The following PROM1 variants were observed in gnomAD, a reference collection of about 807,000 sequenced individuals.
PROM1 encodes prominin 1.
Under a neutral mutation model 116.9 loss-of-function variants are expected in PROM1, and 105 were observed. That is an observed-to-expected ratio of 0.90 (90% confidence interval 0.77 to 1.06). The LOEUF (loss-of-function observed/expected upper bound fraction) is 1.06. PROM1 is among the 50% of genes least tolerant of loss of function. PROM1 has a pLI of 0.00. For synonymous variants in PROM1, 393 were observed against 387.0 expected, an observed-to-expected ratio of 1.02 and a Z score of -0.18; for missense variants, 1,122 against 1,045.2, an observed-to-expected ratio of 1.07 and a Z score of -1.01.
In PROM1 at chr4:15,979,483, A is replaced by G; in HGVS notation, c.2514-20T>C. On this transcript the variant is annotated intron_variant, in intron 25 of 27. Coordinates refer to ENST00000447510, the MANE Select transcript of PROM1 (RefSeq NM_006017.3). Reference sequence around the variant, plus strand: ...TCCATACTGTAACAGAAATAAATACACCAAAAACACCATGTTATCTCTAAG... The same window carrying G: ...TCCATACTGTAACAGAAATAAATACGCCAAAAACACCATGTTATCTCTAAG... 1 of 1,596,192 alleles carries G rather than the reference A, an allele frequency of 6.3e-7. No homozygotes were observed.
At chr4:16,060,564 GA>G (rs946129491) in intron 2 of PROM1, among the ~76,000 whole-genome samples, 2 of 149,756 alleles carry the variant, frequency 1.3e-5, no homozygotes, top group African/African-American at 2.4e-5. Context: ...AATTCCTTTT[GA>G]AAAAAAAATA....
intron 26 of PROM1, among the ~76,000 whole-genome samples, chr4:15,974,794 C>T (rs1266518971): frequency 6.6e-6 from 1 of 152,134 alleles, no homozygotes; most frequent in Non-Finnish European, 1.5e-5. Context: ...AATAGCCTAG[C>T]ACCTTCTCTT....
At chr4:16,052,660 T>G (rs1477223798) in intron 2 of PROM1, among the ~76,000 whole-genome samples, 1 of 152,196 alleles carries the variant, frequency 6.6e-6, no homozygotes, top group Non-Finnish European at 1.5e-5. Flanking sequence ...TTTGTATTTT[T>G]TCTAGAAACG....
chr4:16,083,765 C>T (rs1391218307), intron 1 of PROM1: 3 of 152,164 alleles, frequency 2.0e-5, no homozygotes, highest in African/African-American at 7.2e-5. Flanking sequence ...TATGACCCGG[C>T]TTCTGGGACC....
chr4:16,044,782 A>G (rs1179965653), intron 2 of PROM1, among the ~76,000 whole-genome samples: 2 of 152,216 alleles, frequency 1.3e-5, no homozygotes, highest in African/African-American at 4.8e-5. Context: ...TTCTGCAGGC[A>G]CTTCCAAATA....
intron 8 of PROM1, 131 bp from the exon 9 acceptor site, chr4:16,018,671 G>T: frequency 1.3e-6 from 1 of 754,858 alleles, no homozygotes; most frequent in Non-Finnish European, 2.2e-6. Context: ...ACTGCAAGGG[G>T]CAGTCTGAGA....
chr4:16,018,670 G>A (rs1729044627), intron 8 of PROM1, 130 bp from the exon 9 acceptor site: 1 of 755,870 alleles, frequency 1.3e-6, no homozygotes, highest in Non-Finnish European at 2.2e-6. Flanking sequence ...CACTGCAAGG[G>A]GCAGTCTGAG....
chr4:16,010,216 C>T (rs745362679), intron 11 of PROM1, among the ~76,000 whole-genome samples: 33 of 152,162 alleles, frequency 2.2e-4, no homozygotes, highest in Non-Finnish European at 4.4e-4. Context: ...GTGTCCATCA[C>T]AACAGGTCCT....
At chr4:16,009,849 T>C (rs1726441140) in intron 11 of PROM1, among the ~76,000 whole-genome samples, 1 of 149,976 alleles carries the variant, frequency 6.7e-6, no homozygotes. Flanking sequence ...AAGAATCACT[T>C]GAACCTGGGA....
intron 26 of PROM1, among the ~76,000 whole-genome samples, chr4:15,974,507 G>A (rs1053840348): frequency 1.3e-5 from 2 of 152,158 alleles, no homozygotes; most frequent in Admixed American, 6.5e-5. Context: ...CCACTTCATG[G>A]TTCTTATTTA....
chr4:15,971,001 T>C, intron 27 of PROM1, 42 bp downstream of exon 27: 1 of 1,476,784 alleles, frequency 6.8e-7, no homozygotes. Context: ...AACTAAAAAC[T>C]ATAGTCCTGT....
At chr4:16,006,900 T>C (rs1725656183) in intron 12 of PROM1, among the ~76,000 whole-genome samples, 1 of 152,238 alleles carries the variant, frequency 6.6e-6, no homozygotes, top group Admixed American at 6.5e-5. Context: ...ACTTTTATTT[T>C]GATTCTAGGT....
At chr4:16,042,404 G>T (rs28871403) in intron 2 of PROM1, among the ~76,000 whole-genome samples, 4,933 of 152,234 alleles carry the variant, frequency 0.032, 234 homozygotes, top group African/African-American at 0.096. Flanking sequence ...TGTCACAAAA[G>T]CCTGCGTGGA....
At position 15,989,774 on chromosome 4, in the gene PROM1, T is replaced by TTA; in HGVS notation, c.2033_2034insTA (p.Lys678AsnfsTer12). ...GAAGGACTCGTTGCTGGTGAATTGTTTTAATAGTTTGTGCATCTCTTTTCA... is the reference window on the plus strand; with the variant it reads ...GAAGGACTCGTTGCTGGTGAATTGTTTATTAATAGTTTGTGCATCTCTTTTCA... On this transcript the variant is annotated frameshift_variant, in exon 19 of 28. Transcript: ENST00000447510. LOFTEE classifies it high-confidence loss of function. 1 of 1,610,246 alleles carries TTA rather than the reference T, an allele frequency of 6.2e-7. No homozygotes were observed. Among genetic ancestry groups the TTA allele is most frequent in the Non-Finnish European group, 8.5e-7 (1 of 1,177,928 alleles).
intron 8 of PROM1, among the ~76,000 whole-genome samples, chr4:16,022,173 AAAG>A (rs1243850556): frequency 1.3e-5 from 2 of 151,806 alleles, no homozygotes; most frequent in Non-Finnish European, 2.9e-5. Flanking sequence ...GGAAGGAAAG[AAAG>A]AAGGAATGGA....
At chr4:16,023,777 C>T (rs576079164) in intron 7 of PROM1, among the ~76,000 whole-genome samples, 1 of 152,344 alleles carries the variant, frequency 6.6e-6, no homozygotes, top group Non-Finnish European at 1.5e-5. Flanking sequence ...GGCTTTGACA[C>T]GCTAGATGTT....
chr4:15,979,760 A>C, intron 25 of PROM1, 121 bp downstream of exon 25: 2 of 1,031,358 alleles, frequency 1.9e-6, no homozygotes, highest in Non-Finnish European at 2.9e-6. Context: ...TTTTGCCTGT[A>C]CAGATCTGCT....
intron 15 of PROM1, among the ~76,000 whole-genome samples, chr4:15,994,440 G>C (rs1721820515): frequency 6.6e-6 from 1 of 152,214 alleles, no homozygotes; most frequent in Non-Finnish European, 1.5e-5. Context: ...AGTAGATTAT[G>C]AACTTCATTA....
chr4:16,034,272 A>G (rs904151447), intron 4 of PROM1, among the ~76,000 whole-genome samples: 4 of 152,186 alleles, frequency 2.6e-5, no homozygotes, highest in African/African-American at 9.6e-5. Context: ...TCAGACTCTA[A>G]GTCAGGCACG....
Sources: gnomAD v4.1 joint callset for allele counts (sites outside exome capture counted in the v4.1 genomes callset) on GRCh38, gnomAD v4.1.1 for gene constraint, MANE v1.5 for transcripts, NCBI Gene and HGNC (gene_info 2026-07-23, HGNC 2026-07-21) for gene names.